Variants in PPDPFL observed in about 807,000 individuals in gnomAD.
PPDPFL encodes the protein pancreatic progenitor cell differentiation and proliferation factor-like protein.
PPDPFL carries 12 observed loss-of-function variants against 12.6 expected under a neutral mutation model. The observed-to-expected ratio is 0.95, with a 90% CI of 0.61 to 1.54. The LOEUF (loss-of-function observed/expected upper bound fraction) is 1.54, where lower values mean the gene tolerates loss of function less well. Ranked by LOEUF, PPDPFL falls within the 40% of genes most tolerant of loss-of-function variation. The pLI is 0.00. For synonymous variants in PPDPFL, 24 were observed against 32.7 expected, an observed-to-expected ratio of 0.73 and a Z score of 0.91; for missense variants, 114 against 96.0, an observed-to-expected ratio of 1.19 and a Z score of -0.78.
upstream of PPDPFL, among the ~76,000 whole-genome samples, chr8:49,068,338 C>G (rs79998938): frequency 7.9e-5 from 12 of 152,252 alleles, 1 homozygote; most frequent in East Asian, 2.3e-3. Context: ...ATGCCACTAG[C>G]CAGGAGAGGT....
At chr8:49,066,309 G>A (rs575291227) in intron 1 of PPDPFL, among the ~76,000 whole-genome samples, 2 of 152,282 alleles carry the variant, frequency 1.3e-5, no homozygotes, top group South Asian at 4.1e-4. Flanking sequence ...CTGGCCTAGG[G>A]TTAGCCACTA....
At chr8:49,061,926 C>T (rs1288733755) in intron 1 of PPDPFL, among the ~76,000 whole-genome samples, 1 of 152,084 alleles carries the variant, frequency 6.6e-6, no homozygotes, top group Non-Finnish European at 1.5e-5. Context: ...CAAGATTGTC[C>T]CAAACCTTCT....
intron 1 of PPDPFL, among the ~76,000 whole-genome samples, chr8:49,062,065 A>C (rs1453174633): frequency 6.6e-6 from 1 of 152,224 alleles, no homozygotes; most frequent in African/African-American, 2.4e-5. Flanking sequence ...AATAACCTGC[A>C]TGAGTTACAA....
At chr8:49,057,271 A>T (rs938628901) in intron 1 of PPDPFL, among the ~76,000 whole-genome samples, 1 of 152,164 alleles carries the variant, frequency 6.6e-6, no homozygotes, top group African/African-American at 2.4e-5. Flanking sequence ...CATTTTTATT[A>T]GTCTGAATGA....
Position 49,075,675 on chromosome 8 carries a change from G to T in PPDPFL, c.*502G>T. 5.5e-6 allele frequency: 1 copy of T among 182,244 alleles called. No homozygotes were observed. Among genetic ancestry groups the T allele is most frequent in the Non-Finnish European group, 1.2e-5 (1 of 86,348 alleles). The allele number at this position is 182,244 out of a possible 1,614,324, so 11.3% of individuals were successfully genotyped here. ...TCAATGTTTCACATAATGGTTTAAA[G>T]GGCATTGAATTCGAAATTTTAGAAA... On this transcript the variant is annotated 3_prime_UTR_variant, in exon 5 of 5. Transcript: ENST00000522267.
intron 1 of PPDPFL, among the ~76,000 whole-genome samples, chr8:49,065,483 G>A (rs970337097): frequency 3.9e-5 from 6 of 152,160 alleles, no homozygotes; most frequent in Admixed American, 6.5e-5. Flanking sequence ...GAGAGAAGAC[G>A]AAAACTGATA....
Position 49,075,224 on chromosome 8 carries a change from G to C in PPDPFL, c.*51G>C. 6.2e-7 allele frequency: 1 copy of C among 1,613,948 alleles called. No homozygotes were observed. Among genetic ancestry groups the C allele is most frequent in the Non-Finnish European group, 8.5e-7 (1 of 1,179,862 alleles). On this transcript the variant is annotated 3_prime_UTR_variant, in exon 5 of 5. Coordinates refer to ENST00000522267, the MANE Select transcript of PPDPFL (RefSeq NM_001256597.2). ...ATGAACATGTTGGTAACGGTTGCCT[G>C]CCTTATGTAGCATGAACAGTTGATT...
At chr8:49,066,789 G>A (rs1201301085) in intron 1 of PPDPFL, among the ~76,000 whole-genome samples, 1 of 152,194 alleles carries the variant, frequency 6.6e-6, no homozygotes, top group Non-Finnish European at 1.5e-5. Context: ...AGGCTGTCTA[G>A]AAGATCCAGC....
At chr8:49,060,040 TAGAA>T (rs1808172351) in intron 1 of PPDPFL, among the ~76,000 whole-genome samples, 1 of 152,120 alleles carries the variant, frequency 6.6e-6, no homozygotes, top group African/African-American at 2.4e-5. Flanking sequence ...AGGGAAGAAA[TAGAA>T]GGGAAATGAA....
chr8:49,070,724 T>C (rs1391929214), upstream of PPDPFL, among the ~76,000 whole-genome samples: 2 of 152,154 alleles, frequency 1.3e-5, no homozygotes, highest in African/African-American at 4.8e-5. Context: ...TTATTATTTG[T>C]TTATTTTGTT....
chr8:49,062,964 G>A (rs1808237389), intron 1 of PPDPFL, among the ~76,000 whole-genome samples: 1 of 152,172 alleles, frequency 6.6e-6, no homozygotes, highest in East Asian at 1.9e-4. Context: ...ACCACGGGAA[G>A]TGCATCTGAA....
intron 4 of PPDPFL, chr8:49,074,627 G>A: frequency 6.5e-7 from 1 of 1,534,398 alleles, no homozygotes; most frequent in South Asian, 1.2e-5. Flanking sequence ...TCAGAGGAAA[G>A]GGTCTAAATT....
intron 1 of PPDPFL, among the ~76,000 whole-genome samples, chr8:49,059,255 G>T (rs549259196): frequency 4.6e-5 from 7 of 152,170 alleles, no homozygotes; most frequent in Admixed American, 1.3e-4. Context: ...TGTGGGGTTG[G>T]GTGTGGAGGG....
intron 1 of PPDPFL, among the ~76,000 whole-genome samples, chr8:49,057,188 A>G (rs1331966152): frequency 6.6e-6 from 1 of 152,202 alleles, no homozygotes; most frequent in Non-Finnish European, 1.5e-5. Context: ...GCGAATGCAC[A>G]TTACTGTGGC....
upstream of PPDPFL, among the ~76,000 whole-genome samples, chr8:49,072,052 C>T (rs753639100): frequency 1.3e-5 from 2 of 152,250 alleles, no homozygotes; most frequent in Non-Finnish European, 2.9e-5. Flanking sequence ...GTATCTAAGG[C>T]TGAGGAGACA....
chr8:49,062,305 C>T (rs946418817), intron 1 of PPDPFL, among the ~76,000 whole-genome samples: 4 of 152,066 alleles, frequency 2.6e-5, no homozygotes, highest in Non-Finnish European at 5.9e-5. Context: ...CATGTGAAAC[C>T]GATATGTTGT....
intron 1 of PPDPFL, among the ~76,000 whole-genome samples, chr8:49,067,203 A>G (rs1206403448): frequency 6.6e-6 from 1 of 152,230 alleles, no homozygotes; most frequent in African/African-American, 2.4e-5. Flanking sequence ...TCACTTGTGG[A>G]GGCCCAGAGA....
chr8:49,069,525 A>G (rs1035630871), upstream of PPDPFL, among the ~76,000 whole-genome samples: 2 of 152,230 alleles, frequency 1.3e-5, no homozygotes, highest in Middle Eastern at 3.2e-3. Flanking sequence ...AGGAACGCTT[A>G]TACGCTGTTG....
intron 1 of PPDPFL, among the ~76,000 whole-genome samples, chr8:49,065,744 G>C (rs1808288290): frequency 6.6e-6 from 1 of 152,160 alleles, no homozygotes; most frequent in African/African-American, 2.4e-5. Flanking sequence ...CAGAGCAAAA[G>C]ATTTGTGTTA....
Sources: gnomAD v4.1 joint callset for allele counts (sites outside exome capture counted in the v4.1 genomes callset) on GRCh38, gnomAD v4.1.1 for gene constraint, MANE v1.5 for transcripts, NCBI Gene and HGNC (gene_info 2026-07-23, HGNC 2026-07-21) for gene names.